Variants in FBXO4 observed in about 807,000 individuals in gnomAD.
FBXO4 encodes F-box only protein 4.
In FBXO4, 36 loss-of-function variants were observed where a neutral mutation model predicts 43.7. The ratio of observed to expected loss-of-function variants is 0.82; its 90% CI spans 0.63 to 1.09. FBXO4 has a LOEUF of 1.09. Ranked by LOEUF, FBXO4 falls within the 50% of genes least tolerant of loss-of-function variation. FBXO4 has a pLI of 0.00. For missense variants in FBXO4, 435 were observed against 474.1 expected, an observed-to-expected ratio of 0.92 and a Z score of 0.77; for synonymous variants, 180 against 165.6, an observed-to-expected ratio of 1.09 and a Z score of -0.67.
chr5:41,934,457 T>G lies in FBXO4; in HGVS notation c.898+149T>G, dbSNP rs957979808. ...GACCCTTACTATTAATAGTGTGTTC[T>G]CACACTTTTGTGTGTATTAGGATCA... On this transcript the variant is annotated intron_variant, in intron 5 of 6. Transcript: ENST00000281623. The G allele has an allele frequency of 2.0e-6, 3 of 1,473,150 alleles. No individual in the cohort carries two copies. The African/African-American group carries it at 4.2e-5, about 21-fold the overall frequency. 91.3% of individuals were successfully genotyped at this position (1,473,150 alleles called of 1,614,324 possible). A position where few individuals can be genotyped will look rare whatever the true frequency, so the allele number is the denominator to read the frequency against.
At chr5:41,939,693 A>G (rs1286444684) in intron 6 of FBXO4, 77 bp downstream of exon 6, 1 of 1,206,582 alleles carries the variant, frequency 8.3e-7, no homozygotes, top group Admixed American at 2.6e-5. Flanking sequence ...TTTTAAATTC[A>G]TCTTCTTTAA....
chr5:42,012,205 C>T, the FBXO4 span, among the ~76,000 whole-genome samples: 38 of 152,138 alleles, frequency 2.5e-4, 1 homozygote, highest in Admixed American at 6.5e-5. Flanking sequence ...ATCATGGTGG[C>T]GTGCTTACCA....
the FBXO4 span, among the ~76,000 whole-genome samples, chr5:42,022,275 G>C: frequency 6.6e-6 from 1 of 152,090 alleles, no homozygotes; most frequent in South Asian, 2.1e-4. Flanking sequence ...AGCCCTGAAG[G>C]AACATGCCAA....
chr5:41,948,791 A>G, the FBXO4 span, among the ~76,000 whole-genome samples: 1 of 152,132 alleles, frequency 6.6e-6, no homozygotes, highest in Non-Finnish European at 1.5e-5. Context: ...TGCTTCATTT[A>G]TATTCCTTTT....
the FBXO4 span, among the ~76,000 whole-genome samples, chr5:42,030,314 C>T: frequency 4.3e-4 from 65 of 152,274 alleles, no homozygotes; most frequent in African/African-American, 1.5e-3. Context: ...ATGTCTACAA[C>T]CATCTGATCT....
chr5:42,040,100 C>G, the FBXO4 span, among the ~76,000 whole-genome samples: 1 of 152,078 alleles, frequency 6.6e-6, no homozygotes, highest in Non-Finnish European at 1.5e-5. Flanking sequence ...TTGTTTTAAG[C>G]CACTAAGTTT....
rs747116465 is a variant in FBXO4 at position 41,927,194 on chromosome 5, T to TA, written c.377dup (p.Pro127AlafsTer4). 2.5e-6 allele frequency: 4 copies of TA among 1,613,188 alleles called. No homozygotes were observed. In the African/African-American group the frequency reaches 5.3e-5, roughly 22 times the overall value. ...AAGTCTCTTCCAGATCTAGAAATCT[T>TA]AAAAAAGCCTATATCTGAGGTCACT... On this transcript the variant is annotated frameshift_variant, in exon 2 of 7. Coordinates refer to ENST00000281623, the MANE Select transcript of FBXO4 (RefSeq NM_012176.3). LOFTEE classifies it high-confidence loss of function.
chr5:42,015,381 G>A, the FBXO4 span, among the ~76,000 whole-genome samples: 1 of 152,154 alleles, frequency 6.6e-6, no homozygotes, highest in Non-Finnish European at 1.5e-5. Context: ...AATTCAGGGA[G>A]GAGTTGGCCC....
chr5:41,960,484 G>T, the FBXO4 span, among the ~76,000 whole-genome samples: 2 of 151,984 alleles, frequency 1.3e-5, no homozygotes, highest in African/African-American at 4.8e-5. Context: ...TTAGCTGTGG[G>T]CTTCTCATAT....
At chr5:41,962,489 A>G in the FBXO4 span, among the ~76,000 whole-genome samples, 801 of 152,298 alleles carry the variant, frequency 5.3e-3, 2 homozygotes, top group Admixed American at 8.5e-3. Context: ...AGGAGAGTTT[A>G]TCTTAGCTTT....
At chr5:41,966,895 T>C in the FBXO4 span, among the ~76,000 whole-genome samples, 4 of 152,170 alleles carry the variant, frequency 2.6e-5, no homozygotes, top group Non-Finnish European at 5.9e-5. Flanking sequence ...ATGTCTCCCA[T>C]GTTAGTCACA....
chr5:41,997,806 T>C, the FBXO4 span, among the ~76,000 whole-genome samples: 2 of 152,258 alleles, frequency 1.3e-5, no homozygotes, highest in East Asian at 3.9e-4. Flanking sequence ...GAGGTCTACT[T>C]GGGGAAGAAT....
the FBXO4 span, among the ~76,000 whole-genome samples, chr5:41,999,486 T>TAC: frequency 2.0e-5 from 2 of 100,006 alleles, no homozygotes; most frequent in African/African-American, 9.7e-5. Context: ...TACACATATA[T>TAC]ATATATACAT....
At chr5:41,959,047 C>A in the FBXO4 span, among the ~76,000 whole-genome samples, 1 of 152,196 alleles carries the variant, frequency 6.6e-6, no homozygotes, top group Admixed American at 6.5e-5. Flanking sequence ...TCTGCATCCT[C>A]ACCTACATTT....
chr5:41,967,460 G>T, the FBXO4 span: 2 of 604,608 alleles, frequency 3.3e-6, no homozygotes, highest in East Asian at 3.9e-5. Flanking sequence ...TGCAAGAATT[G>T]TATGTTTCCT....
chr5:41,956,830 A>G, the FBXO4 span, among the ~76,000 whole-genome samples: 1 of 151,058 alleles, frequency 6.6e-6, no homozygotes, highest in African/African-American at 2.4e-5. Context: ...CTCCTGCCTC[A>G]GCCTCCCAAG....
chr5:42,006,683 T>C, the FBXO4 span, among the ~76,000 whole-genome samples: 2 of 151,472 alleles, frequency 1.3e-5, no homozygotes, highest in East Asian at 1.9e-4. Context: ...TTGACACTGG[T>C]TGTGGAAAGT....
downstream of FBXO4, among the ~76,000 whole-genome samples, chr5:41,945,486 G>T (rs1394833667): frequency 6.6e-6 from 1 of 152,132 alleles, no homozygotes; most frequent in Non-Finnish European, 1.5e-5. Context: ...ATACAAAATT[G>T]CATGCAGGGT....
At chr5:42,017,635 T>C in the FBXO4 span, among the ~76,000 whole-genome samples, 13 of 150,940 alleles carry the variant, frequency 8.6e-5, 1 homozygote, top group African/African-American at 3.1e-4. Flanking sequence ...TGTTGCCATC[T>C]TTATGTCCAT....
Sources: allele counts gnomAD v4.1 joint callset (sites outside exome capture counted in the v4.1 genomes callset), GRCh38; gene constraint gnomAD v4.1.1; transcripts MANE v1.5; gene names NCBI Gene and HGNC (gene_info 2026-07-23, HGNC 2026-07-21).